Variants in AGBL1 observed in about 807,000 individuals in gnomAD.
AGBL1 encodes the protein cytosolic carboxypeptidase 4.
Under a neutral mutation model 118.9 loss-of-function variants are expected in AGBL1, and 130 were observed. The ratio of observed to expected loss-of-function variants is 1.09; its 90% CI spans 0.95 to 1.26. The LOEUF (loss-of-function observed/expected upper bound fraction) is 1.26. AGBL1 is among the 50% of genes most tolerant of loss of function. The probability of loss-of-function intolerance (pLI) is 0.00; values close to 1 mark genes in which losing one functional copy is unlikely to be tolerated. For missense variants in AGBL1, 1,584 were observed against 1,298.1 expected (o/e 1.22, Z -3.38); for synonymous variants, 555 against 478.9 (o/e 1.16, Z -2.08).
intron 23 of AGBL1, among the ~76,000 whole-genome samples, chr15:86,927,217 T>C (rs1237774538): frequency 6.6e-6 from 1 of 152,048 alleles, no homozygotes; most frequent in African/African-American, 2.4e-5. Context: ...CTTAGTATAA[T>C]TGTAAAATGC....
At chr15:86,889,357 T>C (rs1318200629) in intron 22 of AGBL1, among the ~76,000 whole-genome samples, 1 of 91,950 alleles carries the variant, frequency 1.1e-5, no homozygotes, top group Admixed American at 1.5e-4. Context: ...TTCTGGGGGG[T>C]GGGTGGGGGG....
chr15:86,153,565 G>T (rs1216183761), intron 3 of AGBL1, among the ~76,000 whole-genome samples: 1 of 152,112 alleles, frequency 6.6e-6, no homozygotes, highest in Non-Finnish European at 1.5e-5. Flanking sequence ...TGTAAATGAC[G>T]GGTTGATGGG....
intron 1 of AGBL1, among the ~76,000 whole-genome samples, chr15:86,120,541 G>A (rs1046085283): frequency 2.0e-5 from 3 of 152,172 alleles, no homozygotes; most frequent in African/African-American, 7.2e-5. Flanking sequence ...AGCACAAGGT[G>A]CATGGGTAGA....
intron 18 of AGBL1, among the ~76,000 whole-genome samples, chr15:86,511,887 C>T (rs1397648763): frequency 6.6e-6 from 1 of 151,882 alleles, no homozygotes; most frequent in Non-Finnish European, 1.5e-5. Flanking sequence ...TTATCCATTT[C>T]ATTTTACATT....
At chr15:86,706,765 A>G (rs924736116) in intron 22 of AGBL1, among the ~76,000 whole-genome samples, 1 of 152,134 alleles carries the variant, frequency 6.6e-6, no homozygotes, top group Non-Finnish European at 1.5e-5. Context: ...ATTTTGCAAA[A>G]TAAGCATATT....
chr15:86,791,425 C>A (rs2078491415), intron 22 of AGBL1, among the ~76,000 whole-genome samples: 1 of 152,058 alleles, frequency 6.6e-6, no homozygotes, highest in African/African-American at 2.4e-5. Flanking sequence ...AGTAATTCAC[C>A]TCACCCATAG....
At chr15:86,506,335 C>T (rs573329431) in intron 18 of AGBL1, among the ~76,000 whole-genome samples, 3 of 152,140 alleles carry the variant, frequency 2.0e-5, no homozygotes, top group African/African-American at 7.2e-5. Flanking sequence ...TTTCCCCTCA[C>T]CTTTTAGTTT....
chr15:86,803,014 T>C (rs951585356), intron 22 of AGBL1, among the ~76,000 whole-genome samples: 5 of 152,170 alleles, frequency 3.3e-5, no homozygotes, highest in African/African-American at 1.2e-4. Flanking sequence ...CAGAGAAATT[T>C]TCCTAAGGAA....
chr15:86,750,835 A>T (rs939645166), intron 22 of AGBL1, among the ~76,000 whole-genome samples: 2 of 151,742 alleles, frequency 1.3e-5, no homozygotes, highest in African/African-American at 4.8e-5. Flanking sequence ...TTGTTCCCCT[A>T]TATGTTCATG....
intron 22 of AGBL1, among the ~76,000 whole-genome samples, chr15:86,906,103 G>A (rs1237111586): frequency 6.6e-6 from 1 of 152,130 alleles, no homozygotes; most frequent in Non-Finnish European, 1.5e-5. Flanking sequence ...ATTGTTTATG[G>A]CAAGGCAGGT....
chr15:86,786,572 TCAGA>T (rs2078416034), intron 22 of AGBL1, among the ~76,000 whole-genome samples: 1 of 152,238 alleles, frequency 6.6e-6, no homozygotes, highest in Non-Finnish European at 1.5e-5. Flanking sequence ...TATACCCATG[TCAGA>T]ATCCATCTTC....
At chr15:86,793,052 G>A (rs899355729) in intron 22 of AGBL1, among the ~76,000 whole-genome samples, 7 of 151,838 alleles carry the variant, frequency 4.6e-5, no homozygotes, top group South Asian at 2.1e-4. Context: ...TAAATTTAAC[G>A]CCATCCTCAA....
intron 22 of AGBL1, among the ~76,000 whole-genome samples, chr15:86,790,949 C>A (rs2078484820): frequency 6.6e-6 from 1 of 151,782 alleles, no homozygotes; most frequent in African/African-American, 2.4e-5. Context: ...GACAAAATAA[C>A]CAAAATAATC....
intron 23 of AGBL1, among the ~76,000 whole-genome samples, chr15:86,975,928 A>G (rs200313415): frequency 0.052 from 3,195 of 61,902 alleles, 128 homozygotes; most frequent in African/African-American, 0.15. Context: ...GCCCCATGAC[A>G]GCAGAGCAGT....
At chr15:86,286,607 T>C (rs1246021752) in intron 16 of AGBL1, among the ~76,000 whole-genome samples, 1 of 151,812 alleles carries the variant, frequency 6.6e-6, no homozygotes, top group Non-Finnish European at 1.5e-5. Context: ...GCATATGTCC[T>C]TCAGGGTCAT....
intron 22 of AGBL1, among the ~76,000 whole-genome samples, chr15:86,867,287 A>G (rs2079646620): frequency 6.6e-6 from 1 of 152,098 alleles, no homozygotes. Context: ...CTTCCCTCAA[A>G]ACCACACTTG....
chr15:86,991,212 C>G (rs2347462), intron 24 of AGBL1, among the ~76,000 whole-genome samples: 40,855 of 151,972 alleles, frequency 0.27, 6,077 homozygotes, highest in East Asian at 0.42. Flanking sequence ...ATACAAAAGT[C>G]TTTTTCTTTT....
In AGBL1 at chr15:86,584,814, G is replaced by A. The variant is rs112743112; in HGVS notation, c.2994+30277G>A. The stretch of plus-strand genomic sequence containing the variant: ...CAATATTGATTCTTCCAATCCATGA[G>A]TATGGAATGTTTTCCCATTTGTTTG... On this transcript the variant is annotated intron_variant, in intron 21 of 22. Transcript: ENST00000614907. Among the ~76,000 whole-genome samples, 684 of 152,214 alleles carry A rather than the reference G, an allele frequency of 4.5e-3. 6 individuals are homozygous for A. Among genetic ancestry groups the A allele is most frequent in the African/African-American group, 0.015 (631 of 41,532 alleles).
At chr15:86,516,610 G>A (rs2083124068) in intron 18 of AGBL1, among the ~76,000 whole-genome samples, 1 of 152,078 alleles carries the variant, frequency 6.6e-6, no homozygotes. Flanking sequence ...GACCAGCCTG[G>A]TCAACATGGC....
Sources: gnomAD v4.1 joint callset for allele counts (sites outside exome capture counted in the v4.1 genomes callset) on GRCh38, gnomAD v4.1.1 for gene constraint, MANE v1.5 for transcripts, NCBI Gene and HGNC (gene_info 2026-07-23, HGNC 2026-07-21) for gene names.